ZNF660: variants seen among roughly 807,000 people sequenced by gnomAD.
The protein encoded by ZNF660 is zinc finger protein 660.
A neutral mutation model predicts 23.2 loss-of-function variants in ZNF660; 24 were observed. The ratio of observed to expected loss-of-function variants is 1.04; its 90% CI spans 0.75 to 1.46. ZNF660 has a LOEUF of 1.46. Ranked by LOEUF, ZNF660 falls within the 40% of genes most tolerant of loss-of-function variation. The pLI is 0.00. For synonymous variants in ZNF660, 117 were observed against 131.4 expected (o/e 0.89, Z 0.75); for missense variants, 373 against 396.8 (o/e 0.94, Z 0.51).
Position 44,595,651 on chromosome 3 carries a change from A to G in ZNF660, c.*462A>G, listed in dbSNP as rs1444603347. The G allele has an allele frequency of 5.9e-6, 1 of 168,228 alleles. No homozygotes were observed. The highest frequency in any genetic ancestry group is 1.5e-5 in the Non-Finnish European group (1 of 68,904). 10.4% of individuals were successfully genotyped at this position (168,228 alleles called of 1,614,324 possible). On this transcript the variant is annotated 3_prime_UTR_variant, in exon 3 of 3. Transcript: ENST00000322734. ...CTTTTCTATGCTTTCTAGATTATCT[A>G]CATGAGAATATACTAATTTTATATG...
Position 44,594,470 on chromosome 3 carries a change from CTTG to C in ZNF660, c.283_285del (p.Val95del), listed in dbSNP as rs1700540778. 4 of 1,614,020 alleles carry C rather than the reference CTTG, an allele frequency of 2.5e-6. No homozygotes were observed. The highest frequency in any genetic ancestry group is 3.4e-6 in the Non-Finnish European group (4 of 1,180,004). On this transcript the variant is annotated inframe_deletion, in exon 3 of 3. Transcript: ENST00000322734. ...AAAAGCTTTCAGTCATAGCTCTAAC[CTTG>C]TTGTTCATCGGAGAATCCACACTGG...
chr3:44,594,083 C>A lies in ZNF660; in HGVS notation c.-111C>A. 1 of 1,330,386 alleles carries A rather than the reference C, an allele frequency of 7.5e-7. No homozygotes were observed. Among genetic ancestry groups the A allele is most frequent in the Non-Finnish European group, 1.1e-6 (1 of 934,808 alleles). 82.4% of individuals were successfully genotyped at this position (1,330,386 alleles called of 1,614,324 possible). ...TCCTGAAAAATCAGAATCATACATA[C>A]TTTCAAGAGAATTCCACAGAGACAT... On this transcript the variant is annotated 5_prime_UTR_variant, in exon 3 of 3. Transcript: ENST00000322734.
intron 2 of ZNF660, among the ~76,000 whole-genome samples, chr3:44,589,852 G>A (rs1457975047): frequency 2.0e-5 from 3 of 151,930 alleles, no homozygotes; most frequent in Non-Finnish European, 4.4e-5. Context: ...TGGGACTGTG[G>A]TAGTGCTAGG....
At chr3:44,592,064 G>T (rs1396966908) in intron 2 of ZNF660, among the ~76,000 whole-genome samples, 1 of 152,142 alleles carries the variant, frequency 6.6e-6, no homozygotes, top group Non-Finnish European at 1.5e-5. Context: ...CAAAAATTCT[G>T]TTAGGAGGAA....
In ZNF660 at chr3:44,594,801, C is replaced by T. The variant is rs759289463; in HGVS notation, c.608C>T (p.Thr203Ile). ...KECGKTCGSN[T>I]KIMDHQRIHT... ...TGTGGGAAAACATGTGGTTCTAATACAAAGATTATGGACCATCAGAGAATT... is the reference window on the plus strand; with the variant it reads ...TGTGGGAAAACATGTGGTTCTAATATAAAGATTATGGACCATCAGAGAATT... The change falls in exon 3 of 3, where the codon ACA (threonine) becomes ATA (isoleucine). Residue 203 changes from threonine (T) to isoleucine (I), a missense_variant. By Grantham distance (89) the Thr-to-Ile change is moderately conservative. Transcript: ENST00000322734. The T allele has an allele frequency of 1.9e-6, 3 of 1,613,986 alleles. No individual in the cohort carries two copies. Among genetic ancestry groups the T allele is most frequent in the African/African-American group, 2.7e-5 (2 of 74,906 alleles).
At position 44,595,277 on chromosome 3, in the gene ZNF660, C is replaced by T; in HGVS notation, c.*88C>T. ...CAACTTTAATTCTACTTCTAAGAAT[C>T]ATACTCTACTTCTAAGAAAATAATT... On this transcript the variant is annotated 3_prime_UTR_variant, in exon 3 of 3. Transcript: ENST00000322734. 1.5e-6 allele frequency: 2 copies of T among 1,378,482 alleles called. No individual in the cohort carries two copies. Among genetic ancestry groups the T allele is most frequent in the Non-Finnish European group, 9.8e-7 (1 of 1,024,366 alleles). 85.4% of individuals were successfully genotyped at this position (1,378,482 alleles called of 1,614,324 possible).
chr3:44,593,590 C>A (rs1280119609), intron 2 of ZNF660, among the ~76,000 whole-genome samples: 3 of 151,574 alleles, frequency 2.0e-5, no homozygotes, highest in Non-Finnish European at 4.4e-5. Flanking sequence ...TGGCAGGCGC[C>A]TGTAATCCCA....
At chr3:44,591,488 C>G (rs887665729) in intron 2 of ZNF660, among the ~76,000 whole-genome samples, 1 of 152,092 alleles carries the variant, frequency 6.6e-6, no homozygotes, top group Non-Finnish European at 1.5e-5. Context: ...TCCTTCTGAC[C>G]CAATTAACTC....
intron 2 of ZNF660, among the ~76,000 whole-genome samples, chr3:44,593,072 G>T (rs1239490557): frequency 6.6e-6 from 1 of 151,706 alleles, no homozygotes; most frequent in Non-Finnish European, 1.5e-5. Flanking sequence ...AAAAAAACTG[G>T]GTCCAACTAT....
chr3:44,593,036 G>A (rs1008714364), intron 2 of ZNF660, among the ~76,000 whole-genome samples: 3 of 151,330 alleles, frequency 2.0e-5, no homozygotes, highest in African/African-American at 7.3e-5. Context: ...CTGGGCGACA[G>A]AGTGAGACTC....
chr3:44,594,106 C>A lies in ZNF660; in HGVS notation c.-88C>A. The A allele has an allele frequency of 6.7e-7, 1 of 1,492,986 alleles. No homozygotes were observed. The highest frequency in any genetic ancestry group is 9.3e-7 in the Non-Finnish European group (1 of 1,074,466). The allele number at this position is 1,492,986 out of a possible 1,614,324, so 92.5% of individuals were successfully genotyped here. ...TACTTTCAAGAGAATTCCACAGAGA[C>A]ATTGCCCAGGAAGTCAAAATTTAGA... On this transcript the variant is annotated 5_prime_UTR_variant, in exon 3 of 3. Transcript: ENST00000322734.
chr3:44,594,104 G>A lies in ZNF660; in HGVS notation c.-90G>A. On this transcript the variant is annotated 5_prime_UTR_variant, in exon 3 of 3. Coordinates refer to ENST00000322734, the MANE Select transcript of ZNF660 (RefSeq NM_173658.4). ...CATACTTTCAAGAGAATTCCACAGA[G>A]ACATTGCCCAGGAAGTCAAAATTTA... 1 of 1,484,160 alleles carries A rather than the reference G, an allele frequency of 6.7e-7. No homozygotes were observed. Among genetic ancestry groups the A allele is most frequent in the Non-Finnish European group, 9.4e-7 (1 of 1,066,702 alleles). 91.9% of individuals were successfully genotyped at this position (1,484,160 alleles called of 1,614,324 possible). A position where few individuals can be genotyped will look rare whatever the true frequency, so the allele number is the denominator to read the frequency against.
intron 2 of ZNF660, chr3:44,586,640 A>G (rs1700231987): frequency 6.6e-6 from 1 of 152,240 alleles, no homozygotes; most frequent in South Asian, 2.1e-4. Context: ...CCAAGAATGC[A>G]AATACACCAT....
In ZNF660 at chr3:44,594,666, G is replaced by T; in HGVS notation, c.473G>T (p.Gly158Val). 6.2e-7 allele frequency: 1 copy of T among 1,613,478 alleles called. No individual in the cohort carries two copies. Among genetic ancestry groups the T allele is most frequent in the Non-Finnish European group, 8.5e-7 (1 of 1,179,828 alleles). The change falls in exon 3 of 3, where the codon GGA becomes GTA. Residue 158 changes from glycine (G) to valine (V), a missense_variant. Physicochemically the swap from Gly to Val is moderately radical, Grantham distance 109. Transcript: ENST00000322734. ...ATATCACATCACAGAGTTCACACCG[G>T]AGAGAAGCCCTATTCTTGTATTGAG... Reference protein sequence around the residue: ...GLISHHRVHTGEKPYSCIECG... With the variant: ...GLISHHRVHTVEKPYSCIECG...
intron 2 of ZNF660, among the ~76,000 whole-genome samples, chr3:44,590,310 G>A (rs1226224254): frequency 1.3e-5 from 2 of 151,932 alleles, no homozygotes; most frequent in African/African-American, 2.4e-5. Context: ...CATGTGCCTC[G>A]CCATTTTGGT....
chr3:44,586,410 G>A (rs1428418774), intron 2 of ZNF660, 197 bp downstream of exon 2: 1 of 152,242 alleles, frequency 6.6e-6, no homozygotes, highest in African/African-American at 2.4e-5. Context: ...ATGGGAATAA[G>A]GGTGATGTAG....
At chr3:44,590,089 CTCT>C (rs1700365766) in intron 2 of ZNF660, among the ~76,000 whole-genome samples, 1 of 151,128 alleles carries the variant, frequency 6.6e-6, no homozygotes, top group African/African-American at 2.4e-5. Context: ...TCCCCTAGTC[CTCT>C]TCATCTCCTG....
At position 44,594,908 on chromosome 3, in the gene ZNF660, C is replaced by T. The variant is rs1394097758; in HGVS notation, c.715C>T (p.Leu239Phe). The change falls in exon 3 of 3, where the codon CTT becomes TTT. Residue 239 changes from leucine (L) to phenylalanine (F), a missense_variant. Physicochemically the swap from Leu to Phe is conservative, Grantham distance 22. Transcript: ENST00000322734. The stretch of plus-strand genomic sequence containing the variant: ...GAAAACTCTTAATGAACACCAGAGA[C>T]TTCATCGTAGAGAGAAACCTTACAA... The part of the protein sequence containing the change: ...LRKTLNEHQR[L>F]HRREKPYKCN... 1 of 1,613,754 alleles carries T rather than the reference C, an allele frequency of 6.2e-7. No homozygotes were observed. The highest frequency in any genetic ancestry group is 1.7e-5 in the Admixed American group (1 of 59,994).
intron 2 of ZNF660, among the ~76,000 whole-genome samples, chr3:44,592,374 G>C (rs1700454419): frequency 6.6e-6 from 1 of 152,144 alleles, no homozygotes; most frequent in African/African-American, 2.4e-5. Flanking sequence ...AAATACATAT[G>C]GGCAAGTCTA....
Sources: allele counts gnomAD v4.1 joint callset (sites outside exome capture counted in the v4.1 genomes callset), GRCh38; gene constraint gnomAD v4.1.1; transcripts MANE v1.5; gene names NCBI Gene and HGNC (gene_info 2026-07-23, HGNC 2026-07-21).